Variants in SNX29 observed in about 807,000 individuals in gnomAD.
The protein encoded by SNX29 is sorting nexin-29.
Under a neutral mutation model 102.1 loss-of-function variants are expected in SNX29, and 78 were observed. That is an observed-to-expected ratio of 0.76 (90% CI 0.64 to 0.92). The LOEUF is 0.92. SNX29 is among the 40% of genes least tolerant of loss of function. The pLI is 0.00. For synonymous variants in SNX29, 580 were observed against 414.5 expected, an observed-to-expected ratio of 1.40 and a Z score of -4.85; for missense variants, 1,280 against 1,061.7, an observed-to-expected ratio of 1.21 and a Z score of -2.86.
chr16:12,139,047 C>CA (rs2054768290), intron 13 of SNX29, among the ~76,000 whole-genome samples: 2 of 151,838 alleles, frequency 1.3e-5, no homozygotes, highest in Admixed American at 6.6e-5. Context: ...ACCAAAAATA[C>CA]AAAAATTAGC....
At chr16:12,171,518 C>T (rs1193625962) in intron 13 of SNX29, among the ~76,000 whole-genome samples, 1 of 152,192 alleles carries the variant, frequency 6.6e-6, no homozygotes, top group Admixed American at 6.5e-5. Flanking sequence ...GCTGAGCACC[C>T]AGCTCTGGCT....
At chr16:12,338,013 C>T (rs1462939586) in intron 15 of SNX29, among the ~76,000 whole-genome samples, 3 of 152,144 alleles carry the variant, frequency 2.0e-5, no homozygotes, top group Non-Finnish European at 4.4e-5. Context: ...ACAGCGACTG[C>T]CAGAGGAGCC....
chr16:12,051,826 CTTTTT>C lies in SNX29; in HGVS notation c.749-10_749-6del. On this transcript the variant is annotated splice_polypyrimidine_tract_variant and intron_variant, in intron 7 of 20. Coordinates refer to ENST00000566228, the MANE Select transcript of SNX29 (RefSeq NM_032167.5). ...TTGCCTCCTTTTTCTTATACTGTATCTTTTTTTTTTTTTTTGCCAGATGCCAAATG... is the reference window on the plus strand; with the variant it reads ...TTGCCTCCTTTTTCTTATACTGTATCTTTTTTTTTTGCCAGATGCCAAATG... 4 of 1,541,168 alleles carry C rather than the reference CTTTTT, an allele frequency of 2.6e-6. No homozygotes were observed. Among genetic ancestry groups the C allele is most frequent in the South Asian group, 2.4e-5 (2 of 83,126 alleles).
intron 13 of SNX29, among the ~76,000 whole-genome samples, chr16:12,136,043 C>T (rs903194406): frequency 3.9e-5 from 6 of 152,210 alleles, no homozygotes; most frequent in African/African-American, 9.6e-5. Context: ...CTCAGAGTGC[C>T]GCTGCAGACT....
intron 15 of SNX29, among the ~76,000 whole-genome samples, chr16:12,313,332 T>C (rs1454320492): frequency 2.0e-5 from 3 of 152,174 alleles, no homozygotes; most frequent in African/African-American, 7.2e-5. Context: ...TTTAAACCTC[T>C]GAGAAGCTTG....
chr16:12,255,901 G>A (rs113799375), intron 14 of SNX29, among the ~76,000 whole-genome samples: 17 of 152,292 alleles, frequency 1.1e-4, no homozygotes, highest in African/African-American at 3.4e-4. Flanking sequence ...TGCAGTAGTG[G>A]GATTGCTGGA....
At chr16:12,421,027 A>C (rs1424960928) in intron 18 of SNX29, among the ~76,000 whole-genome samples, 2 of 152,218 alleles carry the variant, frequency 1.3e-5, no homozygotes, top group Non-Finnish European at 2.9e-5. Flanking sequence ...CTTAATCCTC[A>C]TGCCAGCCCG....
intron 20 of SNX29, among the ~76,000 whole-genome samples, chr16:12,541,389 G>T (rs1439561136): frequency 6.6e-6 from 1 of 152,118 alleles, no homozygotes; most frequent in Non-Finnish European, 1.5e-5. Flanking sequence ...ACCATGTGCA[G>T]GCTCATTGTA....
intron 3 of SNX29, among the ~76,000 whole-genome samples, chr16:12,018,062 C>T (rs981614293): frequency 1.3e-5 from 2 of 152,034 alleles, no homozygotes; most frequent in Admixed American, 6.6e-5. Flanking sequence ...CCTGCCACCA[C>T]GCCTGGCCTG....
intron 14 of SNX29, among the ~76,000 whole-genome samples, chr16:12,260,469 C>T (rs1349255086): frequency 6.6e-6 from 1 of 152,092 alleles, no homozygotes; most frequent in East Asian, 1.9e-4. Flanking sequence ...GGCGCTGGCC[C>T]ATGTTATCTG....
intron 13 of SNX29, among the ~76,000 whole-genome samples, chr16:12,193,392 C>A (rs1208350769): frequency 6.7e-6 from 1 of 149,936 alleles, no homozygotes; most frequent in Non-Finnish European, 1.5e-5. Flanking sequence ...TCACTTGAAG[C>A]CAGGAGGTGA....
At chr16:12,461,169 C>T (rs2086761614) in intron 18 of SNX29, among the ~76,000 whole-genome samples, 1 of 152,210 alleles carries the variant, frequency 6.6e-6, no homozygotes, top group Admixed American at 6.5e-5. Flanking sequence ...GATTCTATCT[C>T]AGGCAGCCTT....
At chr16:12,546,042 A>G (rs978563797) in intron 20 of SNX29, among the ~76,000 whole-genome samples, 1 of 152,202 alleles carries the variant, frequency 6.6e-6, no homozygotes, top group Admixed American at 6.5e-5. Flanking sequence ...CCTTGAGTAC[A>G]CATGATGGGA....
At chr16:12,436,630 G>C (rs998171217) in intron 18 of SNX29, among the ~76,000 whole-genome samples, 1 of 152,232 alleles carries the variant, frequency 6.6e-6, no homozygotes, top group Non-Finnish European at 1.5e-5. Flanking sequence ...CCTGCCATGA[G>C]GGCCATCATC....
intron 19 of SNX29, among the ~76,000 whole-genome samples, chr16:12,499,225 T>G (rs2088985839): frequency 6.6e-6 from 1 of 152,230 alleles, no homozygotes; most frequent in Non-Finnish European, 1.5e-5. Context: ...TCAGCAGTAC[T>G]GTTGGTGGCA....
rs1163474112 is a variant in SNX29 at position 12,357,569 on chromosome 16, C to G, written c.1899+1290C>G. On this transcript the variant is annotated intron_variant, in intron 16 of 20. Transcript: ENST00000566228. ...CTAACATAACTTGTACCATTTTAACCATCGTTAAGTGTACAGTTGAGTGGC... is the reference window on the plus strand; with the variant it reads ...CTAACATAACTTGTACCATTTTAACGATCGTTAAGTGTACAGTTGAGTGGC... 2.0e-5 allele frequency among the ~76,000 whole-genome samples: 3 copies of G among 152,048 alleles called. No individual in the cohort carries two copies. In the East Asian group the frequency reaches 5.8e-4, roughly 29 times the overall value.
In SNX29 at chr16:12,363,019, G is replaced by A. The variant is rs754253635; in HGVS notation, c.1899+6740G>A. 1.5e-4 allele frequency among the ~76,000 whole-genome samples: 23 copies of A among 152,044 alleles called. 1 individual carries two copies. Among genetic ancestry groups the A allele is most frequent in the Admixed American group, 3.3e-4 (5 of 15,280 alleles). ...TGCCATGCTCCCTCTGCCCAAGTCTGATGCCCTGCAGGACAGAGACAGCCA... is the reference window on the plus strand; with the variant it reads ...TGCCATGCTCCCTCTGCCCAAGTCTAATGCCCTGCAGGACAGAGACAGCCA... On this transcript the variant is annotated intron_variant, in intron 16 of 20. Coordinates refer to ENST00000566228, the MANE Select transcript of SNX29 (RefSeq NM_032167.5).
At chr16:12,216,293 C>T (rs1315009330) in intron 14 of SNX29, among the ~76,000 whole-genome samples, 2 of 152,170 alleles carry the variant, frequency 1.3e-5, no homozygotes, top group Non-Finnish European at 2.9e-5. Flanking sequence ...TTGGGAGAAG[C>T]ATTCTCTGCC....
At chr16:12,155,838 A>G (rs1379269353) in intron 13 of SNX29, among the ~76,000 whole-genome samples, 2 of 152,174 alleles carry the variant, frequency 1.3e-5, no homozygotes, top group African/African-American at 4.8e-5. Context: ...GCTGCAAGGA[A>G]GGGTCCCATG....
Sources: allele counts gnomAD v4.1 joint callset (sites outside exome capture counted in the v4.1 genomes callset), GRCh38; gene constraint gnomAD v4.1.1; transcripts MANE v1.5; gene names NCBI Gene and HGNC (gene_info 2026-07-23, HGNC 2026-07-21).